TENM4: variants seen among roughly 807,000 people sequenced by gnomAD.
TENM4 encodes teneurin transmembrane protein 4, also known as teneurin-4.
A neutral mutation model predicts 243.3 loss-of-function variants in TENM4; 82 were observed. That is an observed-to-expected ratio of 0.34 (90% CI 0.28 to 0.40). TENM4 has a LOEUF of 0.40. Among genes scored for constraint, TENM4 ranks in the 10% least tolerant of loss-of-function variants. TENM4 has a pLI of 1.00. For synonymous variants in TENM4, 1,412 were observed against 1,456.3 expected (o/e 0.97, Z 0.69); for missense variants, 3,138 against 3,673.3 (o/e 0.85, Z 3.77).
intron 2 of TENM4, among the ~76,000 whole-genome samples, chr11:79,254,297 T>A (rs1855663652): frequency 6.6e-6 from 1 of 152,172 alleles, no homozygotes; most frequent in African/African-American, 2.4e-5. Flanking sequence ...TATGGCACAT[T>A]CAACAATGGA....
rs749323293 is a variant in TENM4 at position 78,708,522 on chromosome 11, G to A, written c.4055-7C>T. Reference sequence around the variant, plus strand: ...AACTTGTCCACTGTAATGCCTGGGGGCAGAGAAGCCAAAACAGGAACTCAG... The same window carrying A: ...AACTTGTCCACTGTAATGCCTGGGGACAGAGAAGCCAAAACAGGAACTCAG... On this transcript the variant is annotated splice_polypyrimidine_tract_variant and splice_region_variant and intron_variant, in intron 26 of 33. Transcript: ENST00000278550. 1.2e-6 allele frequency: 2 copies of A among 1,613,140 alleles called. No individual in the cohort carries two copies. Among genetic ancestry groups the A allele is most frequent in the South Asian group, 1.1e-5 (1 of 90,858 alleles).
chr11:78,661,531 G>C lies in TENM4; in HGVS notation c.7469C>G (p.Pro2490Arg). ...TTCCATGGCATCCATGTCTGGTTTG[G>C]GATAACCAGGGATCACGTTGTGTAG... The part of the protein sequence containing the change: ...FQLHNVIPGY[P>R]KPDMDAMEPS... The change falls in exon 33 of 34, where the codon CCC becomes CGC. Residue 2490 changes from proline to arginine, a missense_variant. Pro to Arg is a moderately radical substitution (Grantham distance 103). Coordinates refer to ENST00000278550, the MANE Select transcript of TENM4 (RefSeq NM_001098816.3). The C allele has an allele frequency of 2.5e-6, 4 of 1,613,096 alleles. No individual in the cohort carries two copies. Among genetic ancestry groups the C allele is most frequent in the Non-Finnish European group, 3.4e-6 (4 of 1,179,676 alleles).
chr11:78,913,924 G>A (rs1167647619), intron 6 of TENM4, among the ~76,000 whole-genome samples: 1 of 152,124 alleles, frequency 6.6e-6, no homozygotes, highest in Non-Finnish European at 1.5e-5. Context: ...GTAGGGGGAG[G>A]ACTGATGCTG....
chr11:78,890,208 C>T (rs1329557384), intron 8 of TENM4, among the ~76,000 whole-genome samples, 188 bp from the exon 9 acceptor site: 2 of 152,092 alleles, frequency 1.3e-5, no homozygotes, highest in African/African-American at 4.8e-5. Context: ...ACAGGGCACA[C>T]AGAGACACGT....
At chr11:79,022,638 A>T (rs564764490) in intron 6 of TENM4, among the ~76,000 whole-genome samples, 1 of 152,222 alleles carries the variant, frequency 6.6e-6, no homozygotes, top group African/African-American at 2.4e-5. Context: ...TTTTTAAAAG[A>T]CACACACGAT....
intron 3 of TENM4, among the ~76,000 whole-genome samples, chr11:79,177,797 G>T (rs1183185621): frequency 2.0e-5 from 3 of 152,156 alleles, no homozygotes; most frequent in Non-Finnish European, 4.4e-5. Context: ...GCTAGACAAA[G>T]GTGACCCAAG....
intron 1 of TENM4, among the ~76,000 whole-genome samples, chr11:79,359,389 A>C (rs1478755102): frequency 1.3e-5 from 2 of 152,130 alleles, no homozygotes; most frequent in Non-Finnish European, 2.9e-5. Flanking sequence ...TTTTTTTTAA[A>C]AGGTGGGGAA....
rs1026507873 is a variant in TENM4, at chr11:79,065,051, G to C, written c.224-44C>G. 3.9e-5 allele frequency: 56 copies of C among 1,439,720 alleles called. No individual in the cohort carries two copies. In the East Asian group the frequency reaches 1.3e-3, roughly 34 times the overall value. The allele number at this position is 1,439,720 out of a possible 1,614,324, so 89.2% of individuals were successfully genotyped here. ...GAACTTGGTTAGGGCACTGAGATGA[G>C]GTCTGCGTCTGCCTCTGCCTGAAGC... On this transcript the variant is annotated intron_variant, in intron 5 of 33. Coordinates refer to ENST00000278550, the MANE Select transcript of TENM4 (RefSeq NM_001098816.3).
rs182451881 is a variant in TENM4 at position 79,192,576 on chromosome 11, C to T, written c.-163+23232G>A. 3.4e-3 allele frequency among the ~76,000 whole-genome samples: 517 copies of T among 151,776 alleles called. 2 individuals carry two copies. Among genetic ancestry groups the T allele is most frequent in the Middle Eastern group, 6.8e-3 (2 of 294 alleles). ...AACAGATGCTTGAAGGCAGCATGCT[C>T]GTTTAAGAGTCATCACCACTCCCTA... On this transcript the variant is annotated intron_variant, in intron 3 of 33. Transcript: ENST00000278550.
chr11:79,163,031 G>A lies in TENM4; in HGVS notation c.-162-14225C>T, dbSNP rs916187093. ...ATAAACATGGTCCTTCTGCCTAAAA[G>A]GTCCCTAGACCTTGTCCCTGAGTGA... On this transcript the variant is annotated intron_variant, in intron 3 of 33. Transcript: ENST00000278550. Among the ~76,000 whole-genome samples the A allele has an allele frequency of 6.6e-5, 10 of 152,170 alleles. No individual in the cohort carries two copies. The East Asian group carries it at 7.7e-4, about 12-fold the overall frequency.
At position 79,215,845 on chromosome 11, in the gene TENM4, G is replaced by A; in HGVS notation, c.-200C>T. ...CAGCACGTTCTGAAGAGTCAGCAAT[G>A]TCCGTGGGCCCTGCAGCCCTCTCTC... On this transcript the variant is annotated 5_prime_UTR_variant, in exon 3 of 34. Transcript: ENST00000278550. The A allele has an allele frequency of 1.0e-6, 1 of 985,946 alleles. No individual in the cohort carries two copies. Among genetic ancestry groups the A allele is most frequent in the Non-Finnish European group, 1.2e-6 (1 of 829,976 alleles). The allele number at this position is 985,946 out of a possible 1,614,324, so 61.1% of individuals were successfully genotyped here.
chr11:79,279,057 C>G (rs1019597777), intron 2 of TENM4, among the ~76,000 whole-genome samples: 1 of 152,130 alleles, frequency 6.6e-6, no homozygotes, highest in Non-Finnish European at 1.5e-5. Flanking sequence ...CCTTTAGATG[C>G]CTGCAGAGTC....
chr11:79,400,153 G>C, intron 1 of TENM4, among the ~76,000 whole-genome samples: 1 of 131,214 alleles, frequency 7.6e-6, no homozygotes. Context: ...ACACCCTCCA[G>C]GATTATTTCT....
At chr11:79,239,241 C>G (rs1004323201) in intron 2 of TENM4, among the ~76,000 whole-genome samples, 1 of 152,174 alleles carries the variant, frequency 6.6e-6, no homozygotes, top group African/African-American at 2.4e-5. Flanking sequence ...CTCATCAAAC[C>G]AGTCTTGAAA....
At chr11:78,963,346 C>T (rs879544323) in intron 6 of TENM4, among the ~76,000 whole-genome samples, 2 of 152,222 alleles carry the variant, frequency 1.3e-5, no homozygotes, top group Non-Finnish European at 2.9e-5. Context: ...AGACAATTTG[C>T]AGTCTTATCT....
intron 2 of TENM4, among the ~76,000 whole-genome samples, chr11:79,258,088 A>G (rs1855730540): frequency 6.6e-6 from 1 of 152,104 alleles, no homozygotes; most frequent in African/African-American, 2.4e-5. Flanking sequence ...TAATGGGGAG[A>G]GGAGAGGGGT....
At chr11:78,869,279 T>C (rs976122757) in intron 9 of TENM4, among the ~76,000 whole-genome samples, 1 of 152,168 alleles carries the variant, frequency 6.6e-6, no homozygotes, top group African/African-American at 2.4e-5. Context: ...TAAAACACAA[T>C]GTCAGGAAAA....
intron 4 of TENM4, chr11:79,093,134 C>T (rs1860999649): frequency 1.3e-5 from 2 of 152,228 alleles, no homozygotes. Context: ...GAAAGCAACA[C>T]ACTTAGCCCT....
rs1860362830 is a variant in TENM4 at position 79,069,841 on chromosome 11, G to C, written c.104C>G (p.Pro35Arg). ...SSADSEEGKAPQKSYSSSETL... is the reference protein window; with the variant it reads ...SSADSEEGKARQKSYSSSETL... ...CTCGCTGGAGCTGTACGATTTCTGC[G>C]GGGCTTTGCCCTCCTCGCTGTCCGC... The change falls in exon 5 of 34, where the codon CCG becomes CGG. Residue 35 changes from proline to arginine, a missense_variant. Around this residue, in one of 2 missense-constraint regions of TENM4, gnomAD observed 671 missense variants for 614.1 expected, o/e 1.09. Transcript: ENST00000278550. The C allele has an allele frequency of 6.4e-7, 1 of 1,550,766 alleles. No homozygotes were observed. The highest frequency in any genetic ancestry group is 1.2e-5 in the South Asian group (1 of 84,066).
Sources: allele counts gnomAD v4.1 joint callset (sites outside exome capture counted in the v4.1 genomes callset), GRCh38; gene constraint gnomAD v4.1.1; regional missense constraint gnomAD v4.1.1; transcripts MANE v1.5; gene names NCBI Gene and HGNC (gene_info 2026-07-23, HGNC 2026-07-21).